Variants in MANBA observed in about 807,000 individuals in gnomAD.
MANBA encodes the protein beta-mannosidase.
Under a neutral mutation model 111.1 loss-of-function variants are expected in MANBA, and 83 were observed. The ratio of observed to expected loss-of-function variants is 0.75; its 90% CI spans 0.63 to 0.90. The LOEUF is 0.90. Among genes scored for constraint, MANBA ranks in the 40% least tolerant of loss-of-function variants. The pLI is 0.00. For missense variants in MANBA, 1,036 were observed against 1,069.0 expected (o/e 0.97, Z 0.43); for synonymous variants, 370 against 378.7 (o/e 0.98, Z 0.27).
At chr4:102,700,724 T>C (rs1408147096) in intron 5 of MANBA, among the ~76,000 whole-genome samples, 2 of 152,160 alleles carry the variant, frequency 1.3e-5, no homozygotes, top group Non-Finnish European at 2.9e-5. Context: ...GTCTGAGAGA[T>C]AGTTTGTTAT....
At chr4:102,672,607 G>T (rs145884271) in intron 8 of MANBA, among the ~76,000 whole-genome samples, 13 of 152,292 alleles carry the variant, frequency 8.5e-5, no homozygotes, top group Admixed American at 7.2e-4. Context: ...TACAACAGGG[G>T]TCCCAACCCC....
In MANBA at chr4:102,734,280, G is replaced by A. The variant is rs964146909; in HGVS notation, c.178-7597C>T. ...ACCTACAAAGTCTACTCTTCCGGGG[G>A]AGAAGGGCAGCAGCGTGAGAGTTGG... On this transcript the variant is annotated intron_variant, in intron 1 of 16. Coordinates refer to ENST00000647097, the MANE Select transcript of MANBA (RefSeq NM_005908.4). 6 of 1,397,298 alleles carry A rather than the reference G, an allele frequency of 4.3e-6. No homozygotes were observed. In the South Asian group the frequency reaches 5.5e-5, roughly 13 times the overall value. The allele number at this position is 1,397,298 out of a possible 1,614,324, so 86.6% of individuals were successfully genotyped here. A position where few individuals can be genotyped will look rare whatever the true frequency, so the allele number is the denominator to read the frequency against.
intron 7 of MANBA, among the ~76,000 whole-genome samples, chr4:102,689,183 T>C (rs1201434921): frequency 9.2e-5 from 14 of 151,986 alleles, no homozygotes; most frequent in African/African-American, 2.7e-4. Flanking sequence ...ACCCCATCTC[T>C]ACTAAAAATA....
chr4:102,701,664 C>A (rs1261415069), intron 5 of MANBA, among the ~76,000 whole-genome samples: 3 of 151,816 alleles, frequency 2.0e-5, no homozygotes, highest in Non-Finnish European at 2.9e-5. Context: ...AAATTCTTTT[C>A]TTTAAGAATG....
At position 102,723,010 on chromosome 4, in the gene MANBA, A is replaced by G; in HGVS notation, c.410T>C (p.Val137Ala). Residue 137 changes from valine to alanine, a missense_variant, in exon 4 of 17, where the codon GTG (valine) becomes GCG (alanine). Physicochemically the swap from Val to Ala is moderately conservative, Grantham distance 64. Transcript: ENST00000647097. ...CTGGAAACGCAGCTCAATGGAGTTC[A>G]CGTCCCTGACCACGTTGGTAATATC... ...SFDITNVVRD[V>A]NSIELRFQSA... The G allele has an allele frequency of 6.2e-7, 1 of 1,614,180 alleles. No individual in the cohort carries two copies. Among genetic ancestry groups the G allele is most frequent in the Non-Finnish European group, 8.5e-7 (1 of 1,180,016 alleles).
intron 2 of MANBA, among the ~76,000 whole-genome samples, chr4:102,724,697 A>G (rs1210853239): frequency 6.6e-6 from 1 of 152,228 alleles, no homozygotes; most frequent in African/African-American, 2.4e-5. Flanking sequence ...CTTACAGGAA[A>G]CTATAACAGT....
At chr4:102,732,182 A>G (rs1418632078) in intron 1 of MANBA, among the ~76,000 whole-genome samples, 2 of 152,218 alleles carry the variant, frequency 1.3e-5, no homozygotes, top group Non-Finnish European at 2.9e-5. Flanking sequence ...AAGTGCTGGG[A>G]TTACAGACAT....
chr4:102,705,316 G>A (rs1733247680), intron 5 of MANBA, among the ~76,000 whole-genome samples: 1 of 152,144 alleles, frequency 6.6e-6, no homozygotes, highest in South Asian at 2.1e-4. Flanking sequence ...TCCAGAGAGG[G>A]AGCTCCTAAG....
intron 1 of MANBA, among the ~76,000 whole-genome samples, chr4:102,754,909 T>A (rs1377667491): frequency 6.6e-6 from 1 of 152,120 alleles, no homozygotes; most frequent in Non-Finnish European, 1.5e-5. Context: ...ATTAAAAAAA[T>A]TAGAATGGAT....
Position 102,664,667 on chromosome 4 carries a change from T to C in MANBA, c.1485+18A>G, listed in dbSNP as rs770480763. ...AGATACATTCTTAAATTCTACTGCA[T>C]TAAAAATCATTACTTACTGCCAGTA... is the stretch of plus-strand genomic sequence containing the variant. On this transcript the variant is annotated intron_variant, in intron 11 of 16. Coordinates refer to ENST00000647097, the MANE Select transcript of MANBA (RefSeq NM_005908.4). 2.4e-5 allele frequency: 38 copies of C among 1,597,798 alleles called. No homozygotes were observed. The highest frequency in any genetic ancestry group is 3.0e-5 in the Non-Finnish European group (35 of 1,165,118).
chr4:102,733,882 T>C (rs995024705), intron 1 of MANBA, among the ~76,000 whole-genome samples: 1 of 152,258 alleles, frequency 6.6e-6, no homozygotes, highest in Non-Finnish European at 1.5e-5. Context: ...TGTTGTAATT[T>C]TGTCTTTTGA....
chr4:102,733,647 C>T (rs1204676006), intron 1 of MANBA, among the ~76,000 whole-genome samples: 1 of 152,214 alleles, frequency 6.6e-6, no homozygotes, highest in Non-Finnish European at 1.5e-5. Flanking sequence ...AGGCGTAAGC[C>T]ACCACACTGG....
intron 13 of MANBA, among the ~76,000 whole-genome samples, chr4:102,646,211 T>C (rs545920923): frequency 1.3e-5 from 2 of 152,268 alleles, no homozygotes; most frequent in African/African-American, 4.8e-5. Context: ...TTAAATTACA[T>C]GATGCCTATA....
chr4:102,678,940 C>T (rs1385606366), intron 7 of MANBA, among the ~76,000 whole-genome samples: 1 of 152,194 alleles, frequency 6.6e-6, no homozygotes, highest in African/African-American at 2.4e-5. Context: ...GCTGTAATAG[C>T]ATCACTACAT....
intron 1 of MANBA, among the ~76,000 whole-genome samples, chr4:102,737,827 T>C (rs1300576024): frequency 1.3e-5 from 2 of 152,188 alleles, no homozygotes; most frequent in Non-Finnish European, 2.9e-5. Flanking sequence ...AACTGTATGA[T>C]GCAGCAGAGG....
chr4:102,641,929 G>C (rs968136718), intron 13 of MANBA, among the ~76,000 whole-genome samples: 1 of 151,166 alleles, frequency 6.6e-6, no homozygotes, highest in African/African-American at 2.4e-5. Flanking sequence ...AAATTAGCAT[G>C]AAAGAGCATA....
chr4:102,720,539 A>G (rs1208949960), intron 4 of MANBA, among the ~76,000 whole-genome samples: 1 of 151,500 alleles, frequency 6.6e-6, no homozygotes, highest in African/African-American at 2.4e-5. Context: ...CGGGAGGCAG[A>G]GGTTGCAGTG....
At chr4:102,746,562 T>C (rs1181441455) in intron 1 of MANBA, among the ~76,000 whole-genome samples, 4 of 152,252 alleles carry the variant, frequency 2.6e-5, no homozygotes, top group Admixed American at 2.6e-4. Context: ...ATGTTTCAAG[T>C]CACTAAACTC....
rs528189031 is a variant in MANBA at position 102,720,604 on chromosome 4, C to CA, written c.549+2266dup. Among the ~76,000 whole-genome samples the CA allele has an allele frequency of 4.2e-3, 543 of 130,714 alleles. 5 individuals carry two copies. Among genetic ancestry groups the CA allele is most frequent in the African/African-American group, 0.013 (464 of 35,474 alleles). The allele number at this position is 130,714 out of a possible 152,430, so 85.8% of individuals were successfully genotyped here. A position where few individuals can be genotyped will look rare whatever the true frequency, so the allele number is the denominator to read the frequency against. ...TGGGCAACAGAGTCAGACTTCATCT[C>CA]AAAAAAAAAAAAGGAAGGGGAGAGG... On this transcript the variant is annotated intron_variant, in intron 4 of 16. Transcript: ENST00000647097.
Sources: gnomAD v4.1 joint callset for allele counts (sites outside exome capture counted in the v4.1 genomes callset) on GRCh38, gnomAD v4.1.1 for gene constraint, MANE v1.5 for transcripts, NCBI Gene and HGNC (gene_info 2026-07-23, HGNC 2026-07-21) for gene names.